MCC: variants seen among roughly 807,000 people sequenced by gnomAD.
The protein encoded by MCC is colorectal mutant cancer protein.
In MCC, 90 loss-of-function variants were observed where a neutral mutation model predicts 116.2. The observed-to-expected ratio is 0.77, with a 90% CI of 0.65 to 0.92. MCC has a LOEUF of 0.92. Ranked by LOEUF, MCC falls within the 40% of genes least tolerant of loss-of-function variation. The pLI is 0.00. For synonymous variants in MCC, 578 were observed against 510.5 expected (o/e 1.13, Z -1.78); for missense variants, 1,516 against 1,312.2 (o/e 1.16, Z -2.40).
At position 113,053,857 on chromosome 5, in the gene MCC, C is replaced by G; in HGVS notation, c.2316G>C (p.Ala772=). ...YIQQLKNDRA[A]VKLTMLELES... ...CCAGCTCCAGCATGGTCAGCTTGACCGCAGCCCTGTCATTCTTGAGCTGCT... is the reference window on the plus strand; with the variant it reads ...CCAGCTCCAGCATGGTCAGCTTGACGGCAGCCCTGTCATTCTTGAGCTGCT... Residue 772 remains alanine, a synonymous_variant, in exon 15 of 19, where the codon GCG becomes GCC. Coordinates refer to ENST00000408903, the MANE Select transcript of MCC (RefSeq NM_001085377.2). 6.2e-7 allele frequency: 1 copy of G among 1,614,090 alleles called. No individual in the cohort carries two copies.
chr5:113,304,935 G>C (rs530917228), intron 3 of MCC, among the ~76,000 whole-genome samples: 2 of 152,106 alleles, frequency 1.3e-5, no homozygotes, highest in South Asian at 4.1e-4. Flanking sequence ...TATTTCTGGA[G>C]CTGTTTGGGC....
intron 14 of MCC, among the ~76,000 whole-genome samples, chr5:113,054,719 C>T (rs575215969): frequency 3.2e-4 from 49 of 152,302 alleles, no homozygotes; most frequent in African/African-American, 9.6e-4. Context: ...TATAGGGACT[C>T]GGGCTGGCCC....
chr5:113,075,912 C>T (rs1286508120), intron 11 of MCC, among the ~76,000 whole-genome samples: 1 of 152,158 alleles, frequency 6.6e-6, no homozygotes, highest in Non-Finnish European at 1.5e-5. Context: ...CCAGAAGGAA[C>T]CAACAACTCC....
In MCC at chr5:113,434,262, T is replaced by C. The variant is rs766393226; in HGVS notation, c.171-49050A>G. The C allele has an allele frequency of 1.0e-4, 166 of 1,614,036 alleles. No individual in the cohort carries two copies. The highest frequency in any genetic ancestry group is 1.4e-4 in the Non-Finnish European group (161 of 1,180,004). On this transcript the variant is annotated intron_variant, in intron 1 of 18. Coordinates refer to ENST00000408903, the MANE Select transcript of MCC (RefSeq NM_001085377.2). This position sits in a 1 kb window ranked among gnomAD's most constrained non-coding sequence, Gnocchi z 4.2. ...GCTCCAGATGTCGTACACCTTGGGC[T>C]GGTAGGGAATGCCCTGCAGCACCTC...
intron 4 of MCC, among the ~76,000 whole-genome samples, 184 bp from the exon 5 acceptor site, chr5:113,143,544 C>T (rs553534367): frequency 6.6e-6 from 1 of 152,292 alleles, no homozygotes; most frequent in South Asian, 2.1e-4. Flanking sequence ...TTATAATTCC[C>T]CCAGTGGATA....
chr5:113,291,221 G>T (rs1766482796), intron 3 of MCC, among the ~76,000 whole-genome samples: 1 of 152,024 alleles, frequency 6.6e-6, no homozygotes, highest in Non-Finnish European at 1.5e-5. Flanking sequence ...CCATCCCTAG[G>T]TCTCCTAATT....
At chr5:113,136,349 A>G (rs765970115) in intron 5 of MCC, among the ~76,000 whole-genome samples, 8 of 152,202 alleles carry the variant, frequency 5.3e-5, no homozygotes, top group Non-Finnish European at 1.0e-4. Flanking sequence ...ATAAGAAAAT[A>G]TAAATAAAAA....
At chr5:113,108,331 T>TAAAAAA (rs56780207) in intron 6 of MCC, among the ~76,000 whole-genome samples, 7 of 42,726 alleles carry the variant, frequency 1.6e-4, no homozygotes, top group African/African-American at 4.5e-4. Flanking sequence ...CACTCTATCT[T>TAAAAAA]AAAAAAAAAA....
At chr5:113,167,369 G>A (rs1487801365) in intron 3 of MCC, among the ~76,000 whole-genome samples, 1 of 152,180 alleles carries the variant, frequency 6.6e-6, no homozygotes, top group South Asian at 2.1e-4. Context: ...CTTCAGCCTG[G>A]GAGCTATGGC....
At chr5:113,084,040 A>C in intron 10 of MCC, 61 bp downstream of exon 10, 1 of 1,303,082 alleles carries the variant, frequency 7.7e-7, no homozygotes, top group South Asian at 1.2e-5. Context: ...TGTCATCTAT[A>C]ATCCATTGTC....
At chr5:113,327,586 A>ATATATATATAT (rs1561525256) in intron 3 of MCC, among the ~76,000 whole-genome samples, 3 of 112,994 alleles carry the variant, frequency 2.7e-5, no homozygotes, top group African/African-American at 7.1e-5. Flanking sequence ...ATATATATAT[A>ATATATATATAT]AAAATCTCAT....
chr5:113,139,723 A>G (rs1759065410), intron 5 of MCC, among the ~76,000 whole-genome samples: 2 of 152,218 alleles, frequency 1.3e-5, no homozygotes, highest in Non-Finnish European at 2.9e-5. Context: ...AGAACTAGAC[A>G]TACCATTTGA....
At chr5:113,201,721 C>A (rs1487752746) in intron 3 of MCC, among the ~76,000 whole-genome samples, 1 of 152,072 alleles carries the variant, frequency 6.6e-6, no homozygotes, top group Non-Finnish European at 1.5e-5. Flanking sequence ...TTTAATTATG[C>A]AGGAAGGTTG....
chr5:113,196,420 C>T lies in MCC; in HGVS notation c.628-44998G>A, dbSNP rs74784971. Among the ~76,000 whole-genome samples, 910 of 152,306 alleles carry T rather than the reference C, an allele frequency of 6.0e-3. 3 individuals are homozygous for T. Among genetic ancestry groups the T allele is most frequent in the Non-Finnish European group, 9.1e-3 (622 of 68,038 alleles). ...CTCATTTACTACCAGGCATCTGCTT[C>T]TCAACTCCAGCATTTGTTGCTAGGT... is the stretch of plus-strand genomic sequence containing the variant. On this transcript the variant is annotated intron_variant, in intron 3 of 18. Coordinates refer to ENST00000408903, the MANE Select transcript of MCC (RefSeq NM_001085377.2).
intron 3 of MCC, among the ~76,000 whole-genome samples, chr5:113,219,956 A>G (rs1028247803): frequency 6.6e-6 from 1 of 151,578 alleles, no homozygotes; most frequent in African/African-American, 2.4e-5. Context: ...TATTGAAATT[A>G]GATAGTATAC....
intron 1 of MCC, among the ~76,000 whole-genome samples, chr5:113,457,256 C>T (rs1023224220): frequency 6.6e-6 from 1 of 152,226 alleles, no homozygotes; most frequent in Non-Finnish European, 1.5e-5. Context: ...GCTGGGCCTG[C>T]AGGCCCCAGG....
intron 3 of MCC, among the ~76,000 whole-genome samples, chr5:113,168,403 T>A (rs1055053684): frequency 6.6e-6 from 1 of 152,218 alleles, no homozygotes; most frequent in African/African-American, 2.4e-5. Flanking sequence ...TCTGAAGAAA[T>A]ATACTTGCAC....
At chr5:113,145,783 CAA>C (rs757358917) in intron 4 of MCC, among the ~76,000 whole-genome samples, 573 of 15,482 alleles carry the variant, frequency 0.037, 5 homozygotes, top group African/African-American at 0.076. Flanking sequence ...CACACACACA[CAA>C]ACACACACAC....
intron 3 of MCC, among the ~76,000 whole-genome samples, chr5:113,295,191 G>C (rs1397854845): frequency 6.7e-6 from 1 of 150,052 alleles, no homozygotes; most frequent in Non-Finnish European, 1.5e-5. Context: ...AAAAAGAAAA[G>C]AAAAAGAAAA....
Sources: allele counts gnomAD v4.1 joint callset (sites outside exome capture counted in the v4.1 genomes callset), GRCh38; gene constraint gnomAD v4.1.1; non-coding constraint Gnocchi (gnomAD v3.1); transcripts MANE v1.5; gene names NCBI Gene and HGNC (gene_info 2026-07-23, HGNC 2026-07-21).